Variants in PHF8 observed in about 807,000 individuals in gnomAD.
The protein encoded by PHF8 is histone lysine demethylase PHF8.
PHF8 carries 9 observed loss-of-function variants against 74.4 expected under a neutral mutation model. The ratio of observed to expected loss-of-function variants is 0.12; its 90% CI spans 0.07 to 0.21. The LOEUF (loss-of-function observed/expected upper bound fraction) is 0.21. PHF8 is among the 10% of genes least tolerant of loss of function. The probability of loss-of-function intolerance (pLI) is 1.00; values close to 1 mark genes in which losing one functional copy is unlikely to be tolerated. For missense variants in PHF8, 478 were observed against 816.6 expected (o/e 0.59, Z 5.05); for synonymous variants, 311 against 316.6 (o/e 0.98, Z 0.19).
rs1396862669 is a variant in PHF8, at chrX:54,042,720, C to T, written c.9G>A (p.Ser3=). The change falls in exon 2 of 22, where the codon TCG becomes TCA. Residue 3 remains serine, a synonymous_variant. Transcript: ENST00000338154. The stretch of plus-strand genomic sequence containing the variant: ...GCCGGCAGAGGCAATACACCGGCAC[C>T]GAGGCCATCTTCGCTCGGCCCTGGA... MA[S]VPVYCLCRLP... The T allele has an allele frequency of 2.5e-6, 3 of 1,208,458 alleles. No homozygotes were observed. Among genetic ancestry groups the T allele is most frequent in the Non-Finnish European group, 3.4e-6 (3 of 894,158 alleles).
chrX:53,992,910 T>A, intron 13 of PHF8, 71 bp from the exon 14 acceptor site: 1 of 688,621 alleles, frequency 1.5e-6, no homozygotes, highest in South Asian at 2.3e-5. Flanking sequence ...AAGTTCCCTC[T>A]GGTTTCACTG....
chrX:53,976,885 T>G (rs1557096259), intron 18 of PHF8, among the ~76,000 whole-genome samples: 1 of 111,725 alleles, frequency 9.0e-6, no homozygotes, highest in Non-Finnish European at 1.9e-5. Context: ...AATGGACCAA[T>G]TCCTTGAAAG....
At chrX:53,972,908 A>G (rs2065317263) in intron 18 of PHF8, among the ~76,000 whole-genome samples, 1 of 111,713 alleles carries the variant, frequency 9.0e-6, no homozygotes, top group South Asian at 3.7e-4. Flanking sequence ...CCATCACCTC[A>G]GCCCAAAAGC....
intron 16 of PHF8, 52 bp from the exon 17 acceptor site, chrX:53,986,001 G>A (rs782758021): frequency 3.5e-6 from 4 of 1,139,207 alleles, no homozygotes; most frequent in Non-Finnish European, 4.8e-6. Context: ...GTCTGGTAAG[G>A]CCCCAGTACA....
chrX:54,033,446 G>A (rs1270475462), intron 2 of PHF8, among the ~76,000 whole-genome samples: 1 of 112,168 alleles, frequency 8.9e-6, no homozygotes, highest in African/African-American at 3.2e-5. Flanking sequence ...CGGGCACAGT[G>A]GCTCATGCCT....
intron 14 of PHF8, among the ~76,000 whole-genome samples, chrX:53,990,756 T>A (rs782187708): frequency 9.0e-6 from 1 of 111,657 alleles, no homozygotes; most frequent in South Asian, 3.8e-4. Flanking sequence ...TCCTACATCG[T>A]TCATACTCTG....
intron 18 of PHF8, 56 bp downstream of exon 18, chrX:53,984,858 G>A (rs2065534965): frequency 2.1e-6 from 2 of 941,473 alleles, no homozygotes; most frequent in Non-Finnish European, 3.1e-6. Context: ...CTAGGATGGA[G>A]ACTGGGACTG....
intron 18 of PHF8, among the ~76,000 whole-genome samples, chrX:53,967,654 T>C (rs1462314883): frequency 1.8e-5 from 2 of 113,872 alleles, no homozygotes; most frequent in Admixed American, 9.2e-5. Flanking sequence ...ATGACAATGG[T>C]GGTTTTGTGG....
chrX:54,044,809 C>G, upstream of PHF8: 1 of 1,000,305 alleles, frequency 1.0e-6, no homozygotes, highest in South Asian at 2.2e-5. Context: ...TCGGTGACTC[C>G]AAACTACAAA....
At chrX:53,959,505 A>C (rs938174004) in intron 19 of PHF8, among the ~76,000 whole-genome samples, 2 of 111,006 alleles carry the variant, frequency 1.8e-5, no homozygotes, top group Non-Finnish European at 3.8e-5. Context: ...CCCACAAGGG[A>C]AAAAATGGTT....
At chrX:53,971,128 A>G (rs782340151) in intron 18 of PHF8, among the ~76,000 whole-genome samples, 106 of 111,816 alleles carry the variant, frequency 9.5e-4, no homozygotes, top group Non-Finnish European at 1.8e-3. Flanking sequence ...AACTGAAATC[A>G]TAACAGTCTC....
At chrX:53,941,644 G>A (rs1280379057) in intron 20 of PHF8, among the ~76,000 whole-genome samples, 1 of 111,898 alleles carries the variant, frequency 8.9e-6, no homozygotes, top group East Asian at 2.8e-4. Flanking sequence ...GCCTTCTCTT[G>A]GCAACACAAG....
intron 6 of PHF8, 102 bp downstream of exon 6, chrX:54,016,493 C>CAA (rs782287041): frequency 1.6e-3 from 958 of 595,504 alleles, no homozygotes; most frequent in Non-Finnish European, 1.8e-3. Flanking sequence ...GACTCTGTCT[C>CAA]AAAAAAAAAA....
intron 16 of PHF8, among the ~76,000 whole-genome samples, chrX:53,986,475 C>T (rs1424600928): frequency 1.7e-4 from 19 of 112,585 alleles, no homozygotes; most frequent in African/African-American, 6.1e-4. Context: ...CCTCATGATA[C>T]GCCCACCTCA....
chrX:53,946,916 A>T (rs7876951), intron 19 of PHF8, among the ~76,000 whole-genome samples: 27,422 of 111,503 alleles, frequency 0.25, 4,133 homozygotes, highest in African/African-American at 0.57. Flanking sequence ...AAAAAAATTT[A>T]AAAAACAAGA....
intron 8 of PHF8, among the ~76,000 whole-genome samples, chrX:54,007,600 A>G (rs183316915): frequency 1.3e-3 from 148 of 112,284 alleles, no homozygotes; most frequent in African/African-American, 4.2e-3. Flanking sequence ...ATTTAAATAG[A>G]TATTTCTCCA....
intron 2 of PHF8, 39 bp downstream of exon 2, chrX:54,042,592 G>A (rs782271795): frequency 8.9e-7 from 1 of 1,129,553 alleles, no homozygotes; most frequent in South Asian, 1.9e-5. Flanking sequence ...GAACACACCT[G>A]GCCACCGCAC....
At position 53,938,717 on chromosome X, in the gene PHF8, G is replaced by C. The variant is rs782387365; in HGVS notation, c.*441C>G. 2.0e-4 allele frequency: 151 copies of C among 759,656 alleles called. 1 individual carries two copies. The highest frequency in any genetic ancestry group is 2.3e-4 in the Non-Finnish European group (148 of 644,117). The allele number at this position is 759,656 out of a possible 1,213,427, so 62.6% of individuals were successfully genotyped here. On this transcript the variant is annotated 3_prime_UTR_variant, in exon 22 of 22. Transcript: ENST00000338154. ...CTGGGGAAATGGGGCAAACAGAATG[G>C]GTGGAGGTGGGCAGGCTTCTGGATA...
At chrX:54,030,568 G>A (rs1007353891) in intron 2 of PHF8, among the ~76,000 whole-genome samples, 1 of 112,149 alleles carries the variant, frequency 8.9e-6, no homozygotes, top group East Asian at 2.8e-4. Context: ...GAGAGGCAGT[G>A]TCAAAACAGT....
Sources: allele counts gnomAD v4.1 joint callset (sites outside exome capture counted in the v4.1 genomes callset), GRCh38; gene constraint gnomAD v4.1.1; transcripts MANE v1.5; gene names NCBI Gene and HGNC (gene_info 2026-07-23, HGNC 2026-07-21).